Variants in NUBPL observed in about 807,000 individuals in gnomAD.
NUBPL encodes the protein NUBP iron-sulfur cluster assembly factor, mitochondrial.
A neutral mutation model predicts 45.7 loss-of-function variants in NUBPL; 31 were observed. That is an observed-to-expected ratio of 0.68 (90% CI 0.51 to 0.92). NUBPL has a LOEUF of 0.92. Ranked by LOEUF, NUBPL falls within the 40% of genes least tolerant of loss-of-function variation. The pLI, the probability that NUBPL is intolerant of heterozygous loss-of-function variation, is 0.00. For synonymous variants in NUBPL, 144 were observed against 140.9 expected, an observed-to-expected ratio of 1.02 and a Z score of -0.15; for missense variants, 401 against 398.7, an observed-to-expected ratio of 1.01 and a Z score of -0.05.
At position 31,567,540 on chromosome 14, in the gene NUBPL, G is replaced by A. The variant is rs557591884; in HGVS notation, c.291+2492G>A. 2.6e-5 allele frequency among the ~76,000 whole-genome samples: 4 copies of A among 152,016 alleles called. No homozygotes were observed. The East Asian group carries it at 7.7e-4, about 29-fold the overall frequency. The stretch of plus-strand genomic sequence containing the variant: ...GTCTTTGACTATTTTTCACATTGCT[G>A]TATTGGACTTTAGTTGTTATTAGGT... On this transcript the variant is annotated intron_variant, in intron 3 of 10. Transcript: ENST00000281081.
chr14:31,759,977 A>G (rs1033064962), intron 6 of NUBPL, among the ~76,000 whole-genome samples: 1 of 151,126 alleles, frequency 6.6e-6, no homozygotes, highest in Non-Finnish European at 1.5e-5. Flanking sequence ...ATTATTTTCA[A>G]CTTAGTATGG....
At chr14:31,622,990 A>G (rs1487279505) in intron 4 of NUBPL, among the ~76,000 whole-genome samples, 1 of 152,200 alleles carries the variant, frequency 6.6e-6, no homozygotes, top group Admixed American at 6.5e-5. Context: ...TAGTCACTCA[A>G]TGTCAGTTCA....
At chr14:31,638,803 T>C (rs2035588868) in intron 4 of NUBPL, among the ~76,000 whole-genome samples, 1 of 152,228 alleles carries the variant, frequency 6.6e-6, no homozygotes, top group African/African-American at 2.4e-5. Flanking sequence ...CTTTTTTCTC[T>C]AAACTTCCCT....
intron 4 of NUBPL, among the ~76,000 whole-genome samples, chr14:31,636,037 C>G (rs1241373564): frequency 6.6e-6 from 1 of 151,960 alleles, no homozygotes; most frequent in Admixed American, 6.6e-5. Flanking sequence ...CATCTGCAAA[C>G]AGGGACAATT....
At chr14:31,658,759 G>A (rs1444577353) in intron 4 of NUBPL, among the ~76,000 whole-genome samples, 1 of 152,068 alleles carries the variant, frequency 6.6e-6, no homozygotes, top group Non-Finnish European at 1.5e-5. Context: ...TGATCCACCT[G>A]CCTCGGCCTC....
intron 3 of NUBPL, among the ~76,000 whole-genome samples, chr14:31,567,042 C>G (rs181372867): frequency 3.9e-5 from 6 of 152,068 alleles, no homozygotes; most frequent in Admixed American, 3.9e-4. Context: ...TTGCTTATTT[C>G]TTTAATTTCC....
intron 4 of NUBPL, among the ~76,000 whole-genome samples, chr14:31,626,059 A>G (rs1216105657): frequency 6.6e-6 from 1 of 152,338 alleles, no homozygotes; most frequent in East Asian, 1.9e-4. Flanking sequence ...TGGGCCATAT[A>G]TTCCATCTAT....
At chr14:31,631,599 G>T (rs2035345927) in intron 4 of NUBPL, among the ~76,000 whole-genome samples, 1 of 151,886 alleles carries the variant, frequency 6.6e-6, no homozygotes, top group African/African-American at 2.4e-5. Flanking sequence ...AAGGGCTAAT[G>T]GTGTAGTTCC....
intron 4 of NUBPL, among the ~76,000 whole-genome samples, chr14:31,641,577 C>G (rs2035700710): frequency 6.6e-6 from 1 of 151,994 alleles, no homozygotes; most frequent in African/African-American, 2.4e-5. Flanking sequence ...TATCCATATG[C>G]CTATTGAGGA....
chr14:31,575,648 G>A (rs527545861), intron 3 of NUBPL, among the ~76,000 whole-genome samples: 42 of 152,248 alleles, frequency 2.8e-4, no homozygotes, highest in Admixed American at 7.2e-4. Flanking sequence ...AAGTTTATAA[G>A]GTTGGAGGCT....
At chr14:31,645,523 G>T (rs2035824061) in intron 4 of NUBPL, among the ~76,000 whole-genome samples, 1 of 151,906 alleles carries the variant, frequency 6.6e-6, no homozygotes, top group African/African-American at 2.4e-5. Flanking sequence ...TTATTTTTTG[G>T]TTGACTTGTA....
At chr14:31,628,889 A>G (rs1301950782) in intron 4 of NUBPL, among the ~76,000 whole-genome samples, 1 of 152,172 alleles carries the variant, frequency 6.6e-6, no homozygotes, top group African/African-American at 2.4e-5. Context: ...ACTGACCTTT[A>G]ATTTTACTGT....
intron 8 of NUBPL, among the ~76,000 whole-genome samples, chr14:31,842,435 A>C (rs1189328215): frequency 6.6e-6 from 1 of 151,992 alleles, no homozygotes; most frequent in Non-Finnish European, 1.5e-5. Context: ...AGTTATCAAA[A>C]CCTCTGACTT....
In NUBPL at chr14:31,656,224, G is replaced by A. The variant is rs190187004; in HGVS notation, c.383-17131G>A. On this transcript the variant is annotated intron_variant, in intron 4 of 10. Transcript: ENST00000281081. The stretch of plus-strand genomic sequence containing the variant: ...TATTCTAGATTACATTCTGGGTTAA[G>A]AGAATGTTGTGGCTGGTTTGATCTT... 8.0e-4 allele frequency among the ~76,000 whole-genome samples: 122 copies of A among 152,316 alleles called. 2 individuals are homozygous for A. Among genetic ancestry groups the A allele is most frequent in the Admixed American group, 3.3e-3 (51 of 15,306 alleles).
chr14:31,854,519 A>G (rs564805756), intron 10 of NUBPL, among the ~76,000 whole-genome samples: 6 of 152,348 alleles, frequency 3.9e-5, no homozygotes, highest in Admixed American at 3.3e-4. Context: ...TTGAGACTAT[A>G]ATGATAATAA....
intron 8 of NUBPL, among the ~76,000 whole-genome samples, chr14:31,840,228 T>C (rs113443745): frequency 1.4e-4 from 22 of 152,304 alleles, no homozygotes; most frequent in East Asian, 1.4e-3. Context: ...TTTAAAAATG[T>C]GTACACACAC....
chr14:31,856,048 G>A (rs184015304), intron 10 of NUBPL, among the ~76,000 whole-genome samples: 10 of 152,104 alleles, frequency 6.6e-5, no homozygotes, highest in African/African-American at 1.9e-4. Context: ...TATTTTATTC[G>A]TTTGTTTTCA....
intron 7 of NUBPL, among the ~76,000 whole-genome samples, chr14:31,818,764 G>T (rs953489038): frequency 2.6e-5 from 4 of 152,154 alleles, no homozygotes; most frequent in Non-Finnish European, 5.9e-5. Context: ...TAGCCAGGAT[G>T]GTCTCGATCT....
intron 9 of NUBPL, 111 bp downstream of exon 9, chr14:31,846,702 A>G (rs2040458661): frequency 1.3e-6 from 2 of 1,516,796 alleles, no homozygotes; most frequent in Non-Finnish European, 1.8e-6. Flanking sequence ...CACACCTGTA[A>G]TCCCAGCACT....
Sources: gnomAD v4.1 joint callset for allele counts (sites outside exome capture counted in the v4.1 genomes callset) on GRCh38, gnomAD v4.1.1 for gene constraint, MANE v1.5 for transcripts, NCBI Gene and HGNC (gene_info 2026-07-23, HGNC 2026-07-21) for gene names.